Variants in IQCH observed in about 807,000 individuals in gnomAD.
The protein encoded by IQCH is IQ motif containing H.
Under a neutral mutation model 117.0 loss-of-function variants are expected in IQCH, and 98 were observed. That is an observed-to-expected ratio of 0.84 (90% CI 0.71 to 0.99). The LOEUF is 0.99. IQCH is among the 50% of genes least tolerant of loss of function. The pLI, the probability that IQCH is intolerant of heterozygous loss-of-function variation, is 0.00. For synonymous variants in IQCH, 412 were observed against 448.2 expected, an observed-to-expected ratio of 0.92 and a Z score of 1.02; for missense variants, 1,102 against 1,243.8, an observed-to-expected ratio of 0.89 and a Z score of 1.72.
intron 20 of IQCH, among the ~76,000 whole-genome samples, chr15:67,497,062 T>C (rs1034393738): frequency 6.7e-6 from 1 of 150,242 alleles, no homozygotes; most frequent in African/African-American, 2.4e-5. Context: ...AAAGTATCTC[T>C]GTTTGCAAGT....
At chr15:67,415,508 T>G (rs1168620114) in intron 14 of IQCH, among the ~76,000 whole-genome samples, 1 of 152,182 alleles carries the variant, frequency 6.6e-6, no homozygotes, top group Non-Finnish European at 1.5e-5. Context: ...GTTATTCAGA[T>G]TTTTTGAACC....
chr15:67,290,639 A>G (rs1966719540), intron 4 of IQCH, among the ~76,000 whole-genome samples: 1 of 151,842 alleles, frequency 6.6e-6, no homozygotes, highest in Admixed American at 6.7e-5. Context: ...AATACAGCAC[A>G]TATCATACAA....
chr15:67,270,194 A>C (rs1965844975), intron 3 of IQCH, among the ~76,000 whole-genome samples: 1 of 152,088 alleles, frequency 6.6e-6, no homozygotes, highest in Admixed American at 6.5e-5. Context: ...CTTCCTTTCC[A>C]ATTTGGATGC....
Position 67,445,086 on chromosome 15 carries a change from AT to A in IQCH, c.2506-20033del, listed in dbSNP as rs552322460. On this transcript the variant is annotated intron_variant, in intron 16 of 20. Transcript: ENST00000335894. This position sits in a 1 kb window ranked among gnomAD's most constrained non-coding sequence, Gnocchi z 4.3. ...CTTGGAAAGTGGTGGCTTTGGTATGATTTTTTTTAAAGGAAATATCAGATAA... is the reference window on the plus strand; with the variant it reads ...CTTGGAAAGTGGTGGCTTTGGTATGATTTTTTTAAAGGAAATATCAGATAA... 2.2e-3 allele frequency among the ~76,000 whole-genome samples: 340 copies of A among 152,150 alleles called. 1 individual carries two copies. Among genetic ancestry groups the A allele is most frequent in the Non-Finnish European group, 3.6e-3 (246 of 67,974 alleles).
rs2083344129 is a variant in IQCH at position 67,481,754 on chromosome 15, T to C, written c.2799+5936T>C. 6.6e-6 allele frequency among the ~76,000 whole-genome samples: 1 copy of C among 152,258 alleles called. No homozygotes were observed. Among genetic ancestry groups the C allele is most frequent in the African/African-American group, 2.4e-5 (1 of 41,474 alleles). On this transcript the variant is annotated intron_variant, in intron 18 of 20. Transcript: ENST00000335894. This position sits in a 1 kb window ranked among gnomAD's most constrained non-coding sequence, Gnocchi z 4.1. Reference sequence around the variant, plus strand: ...AAGTATCTAGAAAAGAACTCCATGTTGTAGCTATTGCTACTTGTAGCTGAT... The same window carrying C: ...AAGTATCTAGAAAAGAACTCCATGTCGTAGCTATTGCTACTTGTAGCTGAT...
chr15:67,335,676 T>A (rs572236242), intron 4 of IQCH, among the ~76,000 whole-genome samples: 1 of 152,124 alleles, frequency 6.6e-6, no homozygotes, highest in Admixed American at 6.5e-5. Flanking sequence ...CAGAGTCTCA[T>A]AATAAATAAA....
Position 67,491,132 on chromosome 15 carries a change from T to C in IQCH, c.2861+1068T>C, listed in dbSNP as rs993733934. 6.6e-6 allele frequency among the ~76,000 whole-genome samples: 1 copy of C among 152,106 alleles called. No individual in the cohort carries two copies. The highest frequency in any genetic ancestry group is 6.6e-5 in the Admixed American group (1 of 15,262). On this transcript the variant is annotated intron_variant, in intron 19 of 20. Coordinates refer to ENST00000335894, the MANE Select transcript of IQCH (RefSeq NM_001031715.3). The surrounding 1 kb of genome is among the most constrained non-coding windows in gnomAD (Gnocchi z 4.9). ...CACAAAGATCTGGTCTCATAAAAAC[T>C]AACCAAATAAGAGCCAATTCCTCTA...
At chr15:67,315,302 T>C (rs1379299902) in intron 4 of IQCH, among the ~76,000 whole-genome samples, 2 of 152,212 alleles carry the variant, frequency 1.3e-5, no homozygotes, top group Non-Finnish European at 2.9e-5. Context: ...GACAGTCTTC[T>C]TGGTGAGCAG....
Position 67,421,518 on chromosome 15 carries a change from G to A in IQCH, c.2446G>A (p.Val816Ile). 6.2e-7 allele frequency: 1 copy of A among 1,614,204 alleles called. No homozygotes were observed. Residue 816 changes from valine to isoleucine, a missense_variant, in exon 16 of 21, where the codon GTT becomes ATT. By Grantham distance (29) the Val-to-Ile change is conservative. Coordinates refer to ENST00000335894, the MANE Select transcript of IQCH (RefSeq NM_001031715.3). ...IGKACRMRDV[V>I]GYFSIDLVTF... Reference sequence around the variant, plus strand: ...AAAAGCCTGCAGAATGAGAGATGTGGTTGGTTACTTTTCGATAGATCTGGT... The same window carrying A: ...AAAAGCCTGCAGAATGAGAGATGTGATTGGTTACTTTTCGATAGATCTGGT...
At chr15:67,288,132 G>T (rs902112082) in intron 4 of IQCH, among the ~76,000 whole-genome samples, 1 of 151,968 alleles carries the variant, frequency 6.6e-6, no homozygotes, top group African/African-American at 2.4e-5. Context: ...AATTTATTTT[G>T]AATGTTTTAA....
At chr15:67,271,059 T>G (rs1965877429) in intron 3 of IQCH, among the ~76,000 whole-genome samples, 1 of 152,080 alleles carries the variant, frequency 6.6e-6, no homozygotes, top group Non-Finnish European at 1.5e-5. Flanking sequence ...ACCTCCACCT[T>G]CTGGATTCAA....
chr15:67,410,241 A>G (rs2081414208), intron 14 of IQCH, among the ~76,000 whole-genome samples: 1 of 152,248 alleles, frequency 6.6e-6, no homozygotes, highest in African/African-American at 2.4e-5. Context: ...ATGGCTTTTT[A>G]AATGATGAGA....
chr15:67,471,739 T>C (rs1261819170), intron 17 of IQCH, among the ~76,000 whole-genome samples: 1 of 152,230 alleles, frequency 6.6e-6, no homozygotes, highest in Non-Finnish European at 1.5e-5. Flanking sequence ...GGTCTTTACA[T>C]TCTCATCTAA....
chr15:67,499,910 G>C (rs75167765), intron 20 of IQCH, among the ~76,000 whole-genome samples: 2,337 of 152,318 alleles, frequency 0.015, 66 homozygotes, highest in African/African-American at 0.054. Context: ...ATGTGCAGAA[G>C]AGGTAGATCC....
At chr15:67,348,344 T>G (rs188749755) in intron 6 of IQCH, among the ~76,000 whole-genome samples, 354 of 113,470 alleles carry the variant, frequency 3.1e-3, no homozygotes, top group Middle Eastern at 0.012. Flanking sequence ...TGCATAGAAA[T>G]TCGCAAGCCA....
intron 10 of IQCH, among the ~76,000 whole-genome samples, chr15:67,380,847 G>A (rs1052706508): frequency 1.3e-5 from 2 of 152,162 alleles, no homozygotes; most frequent in Non-Finnish European, 2.9e-5. Context: ...TATTCCTCCA[G>A]ATCACCAAAC....
rs1415872323 is a variant in IQCH at position 67,432,092 on chromosome 15, C to G, written c.2505+10515C>G. The stretch of plus-strand genomic sequence containing the variant: ...TTTTAGATAATTGTGAACTTTGAAA[C>G]AACAATCTGTATTATAAGCATTGAT... On this transcript the variant is annotated intron_variant, in intron 16 of 20. Transcript: ENST00000335894. This position sits in a 1 kb window ranked among gnomAD's most constrained non-coding sequence, Gnocchi z 5.0. Among the ~76,000 whole-genome samples the G allele has an allele frequency of 6.6e-6, 1 of 152,040 alleles. No individual in the cohort carries two copies. Among genetic ancestry groups the G allele is most frequent in the African/African-American group, 2.4e-5 (1 of 41,382 alleles).
rs140781252 is a variant in IQCH, at chr15:67,300,841, G to A, written c.387+21329G>A. Among the ~76,000 whole-genome samples the A allele has an allele frequency of 9.9e-5, 15 of 152,232 alleles. No homozygotes were observed. In the South Asian group the frequency reaches 1.0e-3, roughly 11 times the overall value. On this transcript the variant is annotated intron_variant, in intron 4 of 20. Transcript: ENST00000335894. ...CTATATTCCAACCCTAGTTTTAATAGCATAAGCTATTTCCTTCTTATATAG... is the reference window on the plus strand; with the variant it reads ...CTATATTCCAACCCTAGTTTTAATAACATAAGCTATTTCCTTCTTATATAG...
chr15:67,462,086 C>T (rs1382880802), intron 16 of IQCH, among the ~76,000 whole-genome samples: 1 of 151,764 alleles, frequency 6.6e-6, no homozygotes, highest in Non-Finnish European at 1.5e-5. Context: ...GCCTTGGCCT[C>T]CCAAAGTGCT....
Sources: allele counts gnomAD v4.1 joint callset (sites outside exome capture counted in the v4.1 genomes callset), GRCh38; gene constraint gnomAD v4.1.1; non-coding constraint Gnocchi (gnomAD v3.1); transcripts MANE v1.5; gene names NCBI Gene and HGNC (gene_info 2026-07-23, HGNC 2026-07-21).